The following PUDP variants were observed in gnomAD, a reference collection of about 807,000 sequenced individuals.
PUDP encodes the protein pseudouridine 5'-phosphatase.
A neutral mutation model predicts 9.4 loss-of-function variants in PUDP; 8 were observed. The observed-to-expected ratio is 0.85, with a 90% CI of 0.50 to 1.53. The LOEUF (loss-of-function observed/expected upper bound fraction) is 1.53, where lower values mean the gene tolerates loss of function less well. Ranked by LOEUF, PUDP falls within the 40% of genes most tolerant of loss-of-function variation. The pLI is 0.00. For synonymous variants in PUDP, 99 were observed against 80.7 expected, an observed-to-expected ratio of 1.23 and a Z score of -1.22; for missense variants, 188 against 189.7, an observed-to-expected ratio of 0.99 and a Z score of 0.05.
rs200261125 is a variant in PUDP at position 6,775,496 on chromosome X, C to CACACACATAT, written c.*248-69031_*248-69030insATATGTGTGT. Among the ~76,000 whole-genome samples, 749 of 101,339 alleles carry CACACACATAT rather than the reference C, an allele frequency of 7.4e-3. 4 individuals carry two copies. The highest frequency in any genetic ancestry group is 0.01 in the Non-Finnish European group (514 of 49,937). The allele number at this position is 101,339 out of a possible 115,157, so 88.0% of individuals were successfully genotyped here. A position where few individuals can be genotyped will look rare whatever the true frequency, so the allele number is the denominator to read the frequency against. On this transcript the variant is annotated intron_variant and NMD_transcript_variant, in intron 3 of 3. Transcript: ENST00000655425. ...ATAGATAGATAGATACACACATATA[C>CACACACATAT]ACACACATACACACACACACACACA... is the stretch of plus-strand genomic sequence containing the variant.
intron 3 of PUDP, among the ~76,000 whole-genome samples, chrX:6,967,059 G>A (rs1928797231): frequency 9.0e-6 from 1 of 111,370 alleles, no homozygotes; most frequent in Non-Finnish European, 1.9e-5. Flanking sequence ...GTAGGGGGCC[G>A]TGTTTCAGGG....
At chrX:6,957,387 TAAAAA>T (rs35109438) in intron 3 of PUDP, among the ~76,000 whole-genome samples, 51 of 102,002 alleles carry the variant, frequency 5.0e-4, no homozygotes, top group Non-Finnish European at 3.6e-4. Context: ...GGTTTCTTAT[TAAAAA>T]AAAAAAAAAT....
rs770899110 is a variant in PUDP at position 6,858,233 on chromosome X, C to T, written c.*247+118900G>A. Among the ~76,000 whole-genome samples, 85 of 111,288 alleles carry T rather than the reference C, an allele frequency of 7.6e-4. 1 individual carries two copies. The highest frequency in any genetic ancestry group is 2.6e-3 in the African/African-American group (81 of 30,691). On this transcript the variant is annotated intron_variant and NMD_transcript_variant, in intron 3 of 3. Coordinates refer to the PUDP transcript ENST00000655425. Reference sequence around the variant, plus strand: ...CTTGATATGCTGGGAGAAGGATGTACCCTGATTCCATGGGGAGAGGGTACG... The same window carrying T: ...CTTGATATGCTGGGAGAAGGATGTATCCTGATTCCATGGGGAGAGGGTACG...
intron 3 of PUDP, among the ~76,000 whole-genome samples, chrX:6,954,751 G>A (rs1436421732): frequency 1.8e-5 from 2 of 112,370 alleles, no homozygotes; most frequent in African/African-American, 6.5e-5. Flanking sequence ...CAAATATTGA[G>A]CTTCCAGATG....
intron 3 of PUDP, among the ~76,000 whole-genome samples, chrX:7,072,928 T>C: frequency 9.0e-6 from 1 of 111,388 alleles, no homozygotes; most frequent in Non-Finnish European, 1.9e-5. Flanking sequence ...ACAACAATGA[T>C]GGCATTTTTG....
intron 3 of PUDP, among the ~76,000 whole-genome samples, chrX:6,910,775 A>T (rs1927837400): frequency 8.9e-6 from 1 of 112,116 alleles, no homozygotes; most frequent in Non-Finnish European, 1.9e-5. Context: ...GGGTTCAAGG[A>T]CCCACCATTC....
intron 3 of PUDP, among the ~76,000 whole-genome samples, chrX:6,776,004 G>A (rs1925452338): frequency 8.9e-6 from 1 of 111,752 alleles, no homozygotes; most frequent in South Asian, 3.8e-4. Context: ...ACCTTACTGA[G>A]GAAATGACAA....
At chrX:7,133,687 G>A (rs1258898891) in intron 1 of PUDP, among the ~76,000 whole-genome samples, 1 of 111,761 alleles carries the variant, frequency 8.9e-6, no homozygotes, top group Non-Finnish European at 1.9e-5. Flanking sequence ...GAGGCAGAAA[G>A]ACAGACAAGC....
At chrX:6,948,473 G>T (rs1487446654) in intron 3 of PUDP, among the ~76,000 whole-genome samples, 2 of 111,538 alleles carry the variant, frequency 1.8e-5, no homozygotes, top group Non-Finnish European at 3.8e-5. Flanking sequence ...TTTGAGAACA[G>T]AGCTTTTTAA....
At chrX:7,068,694 G>T (rs1309006034) in intron 3 of PUDP, among the ~76,000 whole-genome samples, 1 of 112,304 alleles carries the variant, frequency 8.9e-6, no homozygotes, top group Non-Finnish European at 1.9e-5. Flanking sequence ...GGACTCCAGG[G>T]TGCCTGGAGG....
chrX:6,908,857 T>C (rs1263262828), intron 3 of PUDP, among the ~76,000 whole-genome samples: 1 of 112,001 alleles, frequency 8.9e-6, no homozygotes, highest in Admixed American at 9.5e-5. Flanking sequence ...TCTAGGGAGA[T>C]TCCTTGTTCC....
chrX:6,785,981 G>A (rs781473131), intron 3 of PUDP, among the ~76,000 whole-genome samples: 34 of 111,172 alleles, frequency 3.1e-4, no homozygotes, highest in Non-Finnish European at 4.5e-4. Context: ...TCTTGTCTGA[G>A]AAATGACTCA....
chrX:6,880,712 A>G (rs1474771525), intron 3 of PUDP, among the ~76,000 whole-genome samples: 2 of 112,053 alleles, frequency 1.8e-5, no homozygotes, highest in East Asian at 5.6e-4. Flanking sequence ...GCCAATGCCT[A>G]TTCCAAATAA....
rs759095301 is a variant in PUDP at position 6,842,833 on chromosome X, T to C, written c.*247+134300A>G. Reference sequence around the variant, plus strand: ...TTTATGAGCACCCCTCTTCCAACAGTTTTTAGTCTCATTGGCTTCGGACCA... The same window carrying C: ...TTTATGAGCACCCCTCTTCCAACAGCTTTTAGTCTCATTGGCTTCGGACCA... On this transcript the variant is annotated intron_variant and NMD_transcript_variant, in intron 3 of 3. Transcript: ENST00000655425. Among the ~76,000 whole-genome samples the C allele has an allele frequency of 7.5e-4, 84 of 112,420 alleles. 1 individual carries two copies. Among genetic ancestry groups the C allele is most frequent in the Middle Eastern group, 4.6e-3 (1 of 217 alleles).
chrX:6,912,573 A>G (rs1028835304), intron 3 of PUDP, among the ~76,000 whole-genome samples: 40 of 112,054 alleles, frequency 3.6e-4, no homozygotes, highest in African/African-American at 1.3e-3. Context: ...CTAGCATGTT[A>G]GCAAAGCCAA....
rs761118934 is a variant in PUDP, at chrX:7,007,083, G to T, written c.205-28740C>A. Among the ~76,000 whole-genome samples the T allele has an allele frequency of 9.0e-5, 10 of 111,206 alleles. No homozygotes were observed. In the East Asian group the frequency reaches 2.6e-3, roughly 29 times the overall value. On this transcript the variant is annotated intron_variant and NMD_transcript_variant, in intron 1 of 3. Transcript: ENST00000655425. ...TGAGACAATGAGCATTGCCAGGGAAGAATGCTTTATTTGGGTGCTGCAGCC... is the reference window on the plus strand; with the variant it reads ...TGAGACAATGAGCATTGCCAGGGAATAATGCTTTATTTGGGTGCTGCAGCC...
At chrX:6,775,319 T>C (rs1442601699) in intron 3 of PUDP, among the ~76,000 whole-genome samples, 6 of 112,175 alleles carry the variant, frequency 5.3e-5, no homozygotes, top group East Asian at 5.6e-4. Flanking sequence ...TGTATAGATA[T>C]ACCACATTTG....
At chrX:6,915,945 C>T (rs959251643) in intron 3 of PUDP, among the ~76,000 whole-genome samples, 2 of 110,437 alleles carry the variant, frequency 1.8e-5, no homozygotes, top group African/African-American at 6.6e-5. Flanking sequence ...AGAAGGAAAC[C>T]GTAGCACAGA....
chrX:6,816,068 C>T (rs915323427), intron 3 of PUDP, among the ~76,000 whole-genome samples: 14 of 106,140 alleles, frequency 1.3e-4, no homozygotes, highest in Admixed American at 5.2e-4. Flanking sequence ...ACTACATATA[C>T]ACTATGCATA....
Sources: allele counts gnomAD v4.1 joint callset (sites outside exome capture counted in the v4.1 genomes callset), GRCh38; gene constraint gnomAD v4.1.1; transcripts MANE v1.5; gene names NCBI Gene and HGNC (gene_info 2026-07-23, HGNC 2026-07-21).